STXBP6: variants seen among roughly 807,000 people sequenced by gnomAD.
The protein encoded by STXBP6 is syntaxin-binding protein 6.
Under a neutral mutation model 26.9 loss-of-function variants are expected in STXBP6, and 21 were observed. The ratio of observed to expected loss-of-function variants is 0.78; its 90% CI spans 0.55 to 1.12. The LOEUF is 1.12. Among genes scored for constraint, STXBP6 ranks in the 50% most tolerant of loss-of-function variants. The pLI, the probability that STXBP6 is intolerant of heterozygous loss-of-function variation, is 0.00. For missense variants in STXBP6, 232 were observed against 257.9 expected, an observed-to-expected ratio of 0.90 and a Z score of 0.69; for synonymous variants, 97 against 92.6, an observed-to-expected ratio of 1.05 and a Z score of -0.27.
intron 4 of STXBP6, among the ~76,000 whole-genome samples, chr14:24,850,715 C>T (rs2069122530): frequency 6.6e-6 from 1 of 152,072 alleles, no homozygotes; most frequent in Non-Finnish European, 1.5e-5. Context: ...AAGGTGCCTA[C>T]TGTGTGACTG....
At chr14:24,912,852 TCTAGCAATTTATTTTTATCCTATTTTA>T in intron 2 of STXBP6, among the ~76,000 whole-genome samples, 1 of 152,352 alleles carries the variant, frequency 6.6e-6, no homozygotes, top group Non-Finnish European at 1.5e-5. Flanking sequence ...TTTTCATTTT[TCTAGCAATTTATTTTTATCCTATTTTA>T]CTAAAACACT....
intron 2 of STXBP6, among the ~76,000 whole-genome samples, chr14:24,899,533 C>T (rs1392759622): frequency 3.9e-5 from 6 of 152,064 alleles, no homozygotes; most frequent in African/African-American, 1.4e-4. Context: ...GTAATCCCAG[C>T]ACTTTGGGAG....
intron 2 of STXBP6, among the ~76,000 whole-genome samples, chr14:24,879,593 T>C (rs561435445): frequency 3.5e-4 from 54 of 152,304 alleles, no homozygotes; most frequent in Non-Finnish European, 7.5e-4. Context: ...GTTTGTTTGA[T>C]GGAGATTCTA....
rs61978779 is a variant in STXBP6, at chr14:24,957,220, T to C, written c.154+17445A>G. Among the ~76,000 whole-genome samples, 533 of 152,338 alleles carry C rather than the reference T, an allele frequency of 3.5e-3. 2 individuals are homozygous for C. The highest frequency in any genetic ancestry group is 6.4e-3 in the Non-Finnish European group (437 of 68,030). On this transcript the variant is annotated intron_variant, in intron 2 of 5. Coordinates refer to ENST00000323944, the MANE Select transcript of STXBP6 (RefSeq NM_001394410.1). The stretch of plus-strand genomic sequence containing the variant: ...TGGCTGAGATTTGAAGAGACTTGTG[T>C]CTAACCCTAGTCATGCTCTTACACC...
At chr14:25,007,049 G>C (rs2074917970) in intron 1 of STXBP6, among the ~76,000 whole-genome samples, 1 of 152,186 alleles carries the variant, frequency 6.6e-6, no homozygotes, top group Admixed American at 6.5e-5. Flanking sequence ...ATATGACATA[G>C]ACTTTCATGG....
intron 2 of STXBP6, among the ~76,000 whole-genome samples, chr14:24,954,836 C>G (rs2073287911): frequency 6.6e-6 from 1 of 152,200 alleles, no homozygotes; most frequent in Non-Finnish European, 1.5e-5. Flanking sequence ...CTTTAGGAAA[C>G]ACCTCTGTCC....
intron 1 of STXBP6, among the ~76,000 whole-genome samples, chr14:25,025,474 T>C (rs2075333614): frequency 6.6e-6 from 1 of 152,106 alleles, no homozygotes; most frequent in African/African-American, 2.4e-5. Context: ...GATATGCAGG[T>C]TGCAGATTAT....
At chr14:25,031,221 AAGAG>A (rs2075448184) in intron 1 of STXBP6, among the ~76,000 whole-genome samples, 1 of 152,330 alleles carries the variant, frequency 6.6e-6, no homozygotes, top group Middle Eastern at 3.4e-3. Context: ...AACAACTTCT[AAGAG>A]AGAATGACCT....
intron 1 of STXBP6, among the ~76,000 whole-genome samples, chr14:25,037,701 A>G (rs1834293514): frequency 6.6e-6 from 1 of 152,212 alleles, no homozygotes; most frequent in Admixed American, 6.5e-5. Context: ...AAACCACCTA[A>G]AGTATTCAAA....
At chr14:24,815,820 T>C (rs1367579561) in intron 5 of STXBP6, 1 of 152,146 alleles carries the variant, frequency 6.6e-6, no homozygotes. Context: ...TGGTGCACTT[T>C]CCTGAGGTTA....
intron 2 of STXBP6, among the ~76,000 whole-genome samples, chr14:24,957,820 C>A (rs1323792088): frequency 6.6e-6 from 1 of 152,192 alleles, no homozygotes; most frequent in Non-Finnish European, 1.5e-5. Flanking sequence ...GGATTCAAGT[C>A]CATGTTTTTA....
chr14:24,819,520 C>T, intron 4 of STXBP6: 1 of 512,882 alleles, frequency 1.9e-6, no homozygotes, highest in Non-Finnish European at 3.4e-6. Flanking sequence ...TACAACTTGG[C>T]TTGCAAAGAT....
chr14:24,845,569 T>C (rs1170602254), intron 4 of STXBP6, among the ~76,000 whole-genome samples: 1 of 152,144 alleles, frequency 6.6e-6, no homozygotes, highest in Non-Finnish European at 1.5e-5. Flanking sequence ...ATATAGTCTA[T>C]AGGACATATA....
intron 1 of STXBP6, among the ~76,000 whole-genome samples, chr14:25,028,600 T>C (rs755978551): frequency 4.7e-4 from 71 of 152,184 alleles, no homozygotes; most frequent in Admixed American, 2.6e-4. Context: ...AAGATTAATG[T>C]TGTTTTCATG....
At chr14:24,857,462 C>T (rs2069379503) in intron 2 of STXBP6, among the ~76,000 whole-genome samples, 1 of 151,978 alleles carries the variant, frequency 6.6e-6, no homozygotes. Context: ...CAAGCACCTT[C>T]AATGGAGGCT....
intron 5 of STXBP6, 23 bp from the exon 6 acceptor site, chr14:24,812,755 AAAGT>A: frequency 6.2e-7 from 1 of 1,613,290 alleles, no homozygotes; most frequent in Non-Finnish European, 8.5e-7. Flanking sequence ...AGGAATGAGA[AAAGT>A]AAGACTTTAT....
chr14:24,968,296 A>G (rs1176561206), intron 2 of STXBP6, among the ~76,000 whole-genome samples: 2 of 151,586 alleles, frequency 1.3e-5, no homozygotes, highest in African/African-American at 4.8e-5. Context: ...AAACTCTTGA[A>G]AAGTCAACTT....
At chr14:24,920,382 T>C (rs2071937369) in intron 2 of STXBP6, among the ~76,000 whole-genome samples, 1 of 152,070 alleles carries the variant, frequency 6.6e-6, no homozygotes, top group African/African-American at 2.4e-5. Context: ...TCATAAAATA[T>C]TTACTCAACT....
intron 1 of STXBP6, among the ~76,000 whole-genome samples, chr14:24,984,143 AATCACTTGAACCCGGGAGGTGG>A (rs2140251570): frequency 6.6e-6 from 1 of 152,274 alleles, no homozygotes; most frequent in South Asian, 2.1e-4. Flanking sequence ...GAGGCAGGAG[AATCACTTGAACCCGGGAGGTGG>A]AGGTTGCAGT....
Sources: allele counts gnomAD v4.1 joint callset (sites outside exome capture counted in the v4.1 genomes callset), GRCh38; gene constraint gnomAD v4.1.1; transcripts MANE v1.5; gene names NCBI Gene and HGNC (gene_info 2026-07-23, HGNC 2026-07-21).